PDE1A: variants seen among roughly 807,000 people sequenced by gnomAD.
PDE1A encodes the protein phosphodiesterase 1A, also known as dual specificity calcium/calmodulin-dependent 3',5'-cyclic nucleotide phosphodiesterase 1A.
In PDE1A, 35 loss-of-function variants were observed where a neutral mutation model predicts 61.7. The observed-to-expected ratio is 0.57, with a 90% confidence interval of 0.43 to 0.75. The LOEUF is 0.75. Among genes scored for constraint, PDE1A ranks in the 30% least tolerant of loss-of-function variants. The pLI is 0.00. For missense variants in PDE1A, 597 were observed against 630.6 expected, an observed-to-expected ratio of 0.95 and a Z score of 0.57; for synonymous variants, 232 against 213.2, an observed-to-expected ratio of 1.09 and a Z score of -0.77.
chr2:182,370,703 G>A (rs1050725897), intron 1 of PDE1A, among the ~76,000 whole-genome samples: 4 of 152,178 alleles, frequency 2.6e-5, no homozygotes, highest in Non-Finnish European at 5.9e-5. Flanking sequence ...CTGGGAGGAA[G>A]AGATTATGAT....
chr2:182,234,485 T>C (rs1253911793), exon 4 of PDE1A: 7 of 1,600,354 alleles, frequency 4.4e-6, no homozygotes, highest in East Asian at 4.5e-5. Flanking sequence ...ATATGATATG[T>C]TTTTCGGTAC....
chr2:182,380,655 C>T (rs965679470), intron 1 of PDE1A, among the ~76,000 whole-genome samples: 8 of 152,014 alleles, frequency 5.3e-5, no homozygotes, highest in African/African-American at 1.9e-4. Context: ...TTGTCCTTAA[C>T]TGTTTGTTTT....
intron 1 of PDE1A, 22 bp downstream of exon 1, chr2:182,426,556 C>A: frequency 6.6e-7 from 1 of 1,524,508 alleles, no homozygotes; most frequent in Non-Finnish European, 9.1e-7. Flanking sequence ...CCTAGAGCCA[C>A]CTGCGATGTA....
the PDE1A span, among the ~76,000 whole-genome samples, chr2:182,635,698 C>CTCTA: frequency 8.1e-3 from 1,193 of 147,534 alleles, 17 homozygotes; most frequent in South Asian, 0.061. Context: ...CTCTCTCTCT[C>CTCTA]TCCACATATG....
At chr2:182,487,576 C>G (rs1688097261) in intron 2 of PDE1A, among the ~76,000 whole-genome samples, 1 of 152,052 alleles carries the variant, frequency 6.6e-6, no homozygotes, top group South Asian at 2.1e-4. Flanking sequence ...AAAGGAATTT[C>G]AAAGGAATGA....
At chr2:182,488,044 T>C (rs1156481148) in intron 2 of PDE1A, among the ~76,000 whole-genome samples, 1 of 152,186 alleles carries the variant, frequency 6.6e-6, no homozygotes, top group Non-Finnish European at 1.5e-5. Context: ...GTTTACAATA[T>C]TGAACAAAAA....
chr2:182,682,320 T>C, the PDE1A span, among the ~76,000 whole-genome samples: 2 of 152,082 alleles, frequency 1.3e-5, no homozygotes, highest in African/African-American at 4.8e-5. Context: ...CAACTAAAAG[T>C]AGGGGTTTAT....
chr2:182,677,812 A>G, the PDE1A span, among the ~76,000 whole-genome samples: 1 of 152,230 alleles, frequency 6.6e-6, no homozygotes, highest in African/African-American at 2.4e-5. Flanking sequence ...ATAACTGGCT[A>G]GCCATATGCA....
In PDE1A at chr2:182,425,454, G is replaced by A. The variant is rs10432427; in HGVS notation, c.53+1124C>T. Among the ~76,000 whole-genome samples the A allele has an allele frequency of 1.2e-3, 185 of 152,258 alleles. 2 individuals are homozygous for A. In the East Asian group the frequency reaches 0.017, roughly 14 times the overall value. The stretch of plus-strand genomic sequence containing the variant: ...AAACATATTTAAGTAGAGGGGGATA[G>A]TAATATTAAATCCATATATATGAAT... On this transcript the variant is annotated intron_variant, in intron 1 of 13. Coordinates refer to ENST00000351439, the Ensembl canonical transcript of PDE1A.
chr2:182,337,432 T>C (rs1362178113), intron 1 of PDE1A, among the ~76,000 whole-genome samples: 2 of 152,224 alleles, frequency 1.3e-5, no homozygotes, highest in African/African-American at 4.8e-5. Flanking sequence ...ATCTTCAGAA[T>C]GTAAATAATT....
At chr2:182,572,513 C>T in the PDE1A span, among the ~76,000 whole-genome samples, 2 of 152,128 alleles carry the variant, frequency 1.3e-5, no homozygotes, top group Non-Finnish European at 2.9e-5. Flanking sequence ...TCCTATCAGC[C>T]CTGGACTTGC....
At chr2:182,693,604 G>A in the PDE1A span, among the ~76,000 whole-genome samples, 7 of 148,386 alleles carry the variant, frequency 4.7e-5, no homozygotes, top group East Asian at 2.0e-4. Flanking sequence ...TTTTCTTTTC[G>A]GTGTGTTGTC....
chr2:182,623,095 C>T, the PDE1A span, among the ~76,000 whole-genome samples: 1 of 152,224 alleles, frequency 6.6e-6, no homozygotes, highest in Admixed American at 6.5e-5. Context: ...TAAAACTCTG[C>T]CACTATCTAT....
At chr2:182,251,821 T>C (rs551839294) in intron 2 of PDE1A, among the ~76,000 whole-genome samples, 28 of 152,334 alleles carry the variant, frequency 1.8e-4, no homozygotes, top group Non-Finnish European at 3.7e-4. Context: ...TTTTAATTAA[T>C]GAATCTTTTA....
At chr2:182,389,060 A>G (rs995445300) in intron 1 of PDE1A, among the ~76,000 whole-genome samples, 7 of 152,124 alleles carry the variant, frequency 4.6e-5, no homozygotes, top group Non-Finnish European at 1.0e-4. Flanking sequence ...AAAAGATAAA[A>G]ATAAAAATTA....
intron 2 of PDE1A, among the ~76,000 whole-genome samples, chr2:182,456,862 C>G (rs375294302): frequency 1.3e-5 from 2 of 152,184 alleles, no homozygotes; most frequent in African/African-American, 4.8e-5. Context: ...TAAACAGGTT[C>G]TCTCCTACAC....
chr2:182,612,306 T>C, the PDE1A span, among the ~76,000 whole-genome samples: 1 of 152,204 alleles, frequency 6.6e-6, no homozygotes, highest in African/African-American at 2.4e-5. Flanking sequence ...GTGAAGGAAT[T>C]TCATGGATTG....
At chr2:182,517,199 C>T (rs1357165365) in intron 2 of PDE1A, among the ~76,000 whole-genome samples, 1 of 152,118 alleles carries the variant, frequency 6.6e-6, no homozygotes, top group East Asian at 1.9e-4. Context: ...CATGTTCTAC[C>T]AGATACTAGC....
chr2:182,175,037 T>A (rs1238572335), intron 13 of PDE1A, among the ~76,000 whole-genome samples: 3 of 152,162 alleles, frequency 2.0e-5, no homozygotes, highest in Admixed American at 6.6e-5. Context: ...GAATGATGGT[T>A]TCCAGCTTCA....
Sources: allele counts gnomAD v4.1 joint callset (sites outside exome capture counted in the v4.1 genomes callset), GRCh38; gene constraint gnomAD v4.1.1; transcripts MANE v1.5; gene names NCBI Gene and HGNC (gene_info 2026-07-23, HGNC 2026-07-21).